OTOGL: variants seen among roughly 807,000 people sequenced by gnomAD.
OTOGL encodes otogelin like, also known as otogelin-like protein.
A neutral mutation model predicts 318.5 loss-of-function variants in OTOGL; 285 were observed. The ratio of observed to expected loss-of-function variants is 0.89; its 90% confidence interval spans 0.81 to 0.99. OTOGL has a LOEUF of 0.99. OTOGL is among the 50% of genes least tolerant of loss of function. The pLI is 0.00. For missense variants in OTOGL, 2,899 were observed against 2,845.6 expected (o/e 1.02, Z -0.43); for synonymous variants, 987 against 936.5 (o/e 1.05, Z -0.99).
chr12:80,278,388 C>A, intron 25 of OTOGL, 113 bp downstream of exon 25: 2 of 864,260 alleles, frequency 2.3e-6, no homozygotes, highest in Non-Finnish European at 3.5e-6. Flanking sequence ...CAAGCCTCAG[C>A]AAATAATTTA....
At chr12:80,323,635 C>T (rs578071465) in intron 34 of OTOGL, 88 bp from the exon 35 acceptor site, 40 of 1,010,474 alleles carry the variant, frequency 4.0e-5, no homozygotes, top group African/African-American at 1.4e-4. Context: ...AGTGACAGAG[C>T]GAGACTGTCT....
chr12:80,221,722 C>T (rs1011877781), intron 6 of OTOGL, among the ~76,000 whole-genome samples: 13 of 152,168 alleles, frequency 8.5e-5, no homozygotes, highest in African/African-American at 1.2e-4. Context: ...ATATGCTAAT[C>T]TTTAGGACAC....
intron 1 of OTOGL, among the ~76,000 whole-genome samples, chr12:80,190,786 C>CAAAA (rs55950528): frequency 6.8e-4 from 50 of 73,666 alleles, no homozygotes; most frequent in African/African-American, 2.0e-3. Context: ...GACTCCGTCT[C>CAAAA]AAAAAAAAAA....
chr12:80,221,955 T>C, intron 6 of OTOGL, 136 bp from the exon 7 acceptor site: 1 of 885,762 alleles, frequency 1.1e-6, no homozygotes, highest in Non-Finnish European at 1.6e-6. Context: ...AATTTTATGT[T>C]AGTTATTTCT....
chr12:80,339,296 CTGTTTTTT>C, intron 43 of OTOGL, 32 bp downstream of exon 43: 2 of 434,296 alleles, frequency 4.6e-6, no homozygotes, highest in Non-Finnish European at 6.7e-6. Flanking sequence ...TTGATTTCGT[CTGTTTTTT>C]TTTTTTTTTT....
Position 80,219,865 on chromosome 12 carries a change from C to A in OTOGL, c.287C>A (p.Thr96Lys). 1 of 1,593,450 alleles carries A rather than the reference C, an allele frequency of 6.3e-7. No individual in the cohort carries two copies. Among genetic ancestry groups the A allele is most frequent in the South Asian group, 1.1e-5 (1 of 90,680 alleles). ...GGAGCTTTCTGTTCTAAGACTGGAACATGTGACTGTCAAATATTTCAGGCT... is the reference window on the plus strand; with the variant it reads ...GGAGCTTTCTGTTCTAAGACTGGAAAATGTGACTGTCAAATATTTCAGGCT... ...LNGAFCSKTGTCDCQIFQALG... is the reference protein window; with the variant it reads ...LNGAFCSKTGKCDCQIFQALG... Residue 96 changes from threonine to lysine, a missense_variant, in exon 6 of 59, where the codon ACA becomes AAA. Coordinates refer to ENST00000547103, the MANE Select transcript of OTOGL (RefSeq NM_001378609.3).
intron 17 of OTOGL, 89 bp downstream of exon 17, chr12:80,256,549 T>A: frequency 6.9e-7 from 1 of 1,458,926 alleles, no homozygotes; most frequent in South Asian, 1.4e-5. Context: ...TGGGATCTTT[T>A]CCTAATGTTA....
At chr12:80,227,810 C>G (rs948676673) in intron 7 of OTOGL, among the ~76,000 whole-genome samples, 13 of 152,230 alleles carry the variant, frequency 8.5e-5, no homozygotes, top group African/African-American at 2.9e-4. Context: ...CACGCTCCAT[C>G]TTTACTAGAA....
chr12:80,255,758 C>G (rs963066598), intron 16 of OTOGL, among the ~76,000 whole-genome samples: 1 of 151,806 alleles, frequency 6.6e-6, no homozygotes, highest in African/African-American at 2.4e-5. Flanking sequence ...CTCTCTAAAG[C>G]AGGTAGTCAA....
chr12:80,328,713 G>A lies in OTOGL; in HGVS notation c.4248G>A (p.Glu1416=). 6.2e-7 allele frequency: 1 copy of A among 1,606,580 alleles called. No individual in the cohort carries two copies. The highest frequency in any genetic ancestry group is 8.5e-7 in the Non-Finnish European group (1 of 1,173,364). ...PYCPKNMILD[E]VTLKCVYPRD... ...GCCCTAAAAATATGATCCTTGATGAGGTCACCCTCAAGTGTGTTTATCCAC... is the reference window on the plus strand; with the variant it reads ...GCCCTAAAAATATGATCCTTGATGAAGTCACCCTCAAGTGTGTTTATCCAC... The change falls in exon 36 of 59, where the codon GAG becomes GAA. Residue 1416 remains glutamate, a synonymous_variant. Transcript: ENST00000547103.
intron 50 of OTOGL, 33 bp downstream of exon 50, chr12:80,358,382 G>C: frequency 1.3e-6 from 2 of 1,483,918 alleles, no homozygotes; most frequent in Non-Finnish European, 1.9e-6. Context: ...AAAATATTTA[G>C]ATGTGTCCAA....
In OTOGL at chr12:80,356,840, C is replaced by T. The variant is rs1456777883; in HGVS notation, c.5945C>T (p.Thr1982Ile). 2 of 1,593,784 alleles carry T rather than the reference C, an allele frequency of 1.3e-6. No individual in the cohort carries two copies. The highest frequency in any genetic ancestry group is 1.1e-5 in the South Asian group (1 of 87,312). The stretch of plus-strand genomic sequence containing the variant: ...CCATTGAAATGCCCCAGTATTTCAA[C>T]ACCAGAATGCAGAGAAGATCAATTC... ...CDPLKCPSIS[T>I]PECREDQFMI... Residue 1982 changes from threonine to isoleucine, a missense_variant, in exon 49 of 59, where the codon ACA becomes ATA. Transcript: ENST00000547103.
intron 1 of OTOGL, among the ~76,000 whole-genome samples, chr12:80,116,589 T>C (rs1870180728): frequency 6.6e-6 from 1 of 152,110 alleles, no homozygotes; most frequent in Admixed American, 6.5e-5. Flanking sequence ...TTAATCACTC[T>C]CTTAGTCTAG....
Position 80,252,081 on chromosome 12 carries a change from A to G in OTOGL, c.1165A>G (p.Lys389Glu). 1 of 1,542,912 alleles carries G rather than the reference A, an allele frequency of 6.5e-7. No homozygotes were observed. Among genetic ancestry groups the G allele is most frequent in the Non-Finnish European group, 8.8e-7 (1 of 1,141,968 alleles). The change falls in exon 13 of 59, where the codon AAA becomes GAA. Residue 389 changes from lysine (K) to glutamate (E), a missense_variant. Lys to Glu is a moderately conservative substitution (Grantham distance 56). Around this residue, in one of 3 missense-constraint regions of OTOGL, gnomAD observed 2,607 missense variants for 2,524.9 expected, o/e 1.03. Coordinates refer to ENST00000547103, the MANE Select transcript of OTOGL (RefSeq NM_001378609.3). ...WRDDFPACTDKCDDSFVHRDC... is the reference protein window; with the variant it reads ...WRDDFPACTDECDDSFVHRDC... Reference sequence around the variant, plus strand: ...CCCCTGTTTGTCTGTTTTAGCTGATAAATGTGATGATAGCTTTGTCCATCG... The same window carrying G: ...CCCCTGTTTGTCTGTTTTAGCTGATGAATGTGATGATAGCTTTGTCCATCG...
At chr12:80,252,020 A>G (rs903889955) in intron 12 of OTOGL, 56 bp from the exon 13 acceptor site, 2 of 1,415,140 alleles carry the variant, frequency 1.4e-6, no homozygotes, top group East Asian at 5.3e-5. Context: ...TATAATTTTA[A>G]AAAAGAAATA....
intron 1 of OTOGL, among the ~76,000 whole-genome samples, chr12:80,161,308 G>A (rs1372638736): frequency 6.6e-6 from 1 of 151,970 alleles, no homozygotes; most frequent in Non-Finnish European, 1.5e-5. Context: ...TGGAAAAACT[G>A]TAACTAGGAG....
chr12:80,357,794 A>T (rs1197347858), intron 49 of OTOGL, among the ~76,000 whole-genome samples: 1 of 152,094 alleles, frequency 6.6e-6, no homozygotes, highest in Non-Finnish European at 1.5e-5. Context: ...AAAGATAGTC[A>T]CTCAAAAAGG....
chr12:80,313,605 A>G lies in OTOGL; in HGVS notation c.3580A>G (p.Ile1194Val), dbSNP rs1047180297. 13 of 1,612,690 alleles carry G rather than the reference A, an allele frequency of 8.1e-6. No homozygotes were observed. Among genetic ancestry groups the G allele is most frequent in the Non-Finnish European group, 1.1e-5 (13 of 1,179,040 alleles). The change falls in exon 31 of 59, where the codon ATT becomes GTT. Residue 1194 changes from isoleucine (I) to valine (V), a missense_variant. Ile to Val is a conservative substitution (Grantham distance 29). This residue lies in a region of OTOGL where 2,607 missense variants were observed against 2,524.9 expected (regional missense o/e 1.03). Transcript: ENST00000547103. Reference sequence around the variant, plus strand: ...CAAGTGTTGTCAGGAAGGAATATCAATTCATTGGAGATCATCTACTGTTTG... The same window carrying G: ...CAAGTGTTGTCAGGAAGGAATATCAGTTCATTGGAGATCATCTACTGTTTG... ...AYKCCQEGIS[I>V]HWRSSTVCSL...
At chr12:80,125,953 G>T (rs1328206929) in intron 1 of OTOGL, among the ~76,000 whole-genome samples, 1 of 151,892 alleles carries the variant, frequency 6.6e-6, no homozygotes, top group African/African-American at 2.4e-5. Flanking sequence ...AGTCTTGCTA[G>T]CAGTCTATCA....
Sources: allele counts gnomAD v4.1 joint callset (sites outside exome capture counted in the v4.1 genomes callset), GRCh38; gene constraint gnomAD v4.1.1; regional missense constraint gnomAD v4.1.1; transcripts MANE v1.5; gene names NCBI Gene and HGNC (gene_info 2026-07-23, HGNC 2026-07-21).